SIRPD: variants seen among roughly 807,000 people sequenced by gnomAD.
The protein encoded by SIRPD is signal regulatory protein delta, also known as signal-regulatory protein delta.
SIRPD carries 21 observed loss-of-function variants against 18.0 expected under a neutral mutation model. The observed-to-expected ratio is 1.17, with a 90% CI of 0.83 to 1.68. SIRPD has a LOEUF of 1.68. Among genes scored for constraint, SIRPD ranks in the 40% most tolerant of loss-of-function variants. SIRPD has a pLI of 0.00. For missense variants in SIRPD, 295 were observed against 238.4 expected (o/e 1.24, Z -1.56); for synonymous variants, 106 against 92.9 (o/e 1.14, Z -0.81).
intron 1 of SIRPD, chr20:1,554,071 G>C (rs531534938): frequency 1.3e-5 from 2 of 152,734 alleles, no homozygotes; most frequent in South Asian, 4.2e-4. Context: ...GAATGGAATA[G>C]TCAGTTTGAT....
At chr20:1,555,757 T>A (rs1363553781) in intron 1 of SIRPD, among the ~76,000 whole-genome samples, 3 of 152,246 alleles carry the variant, frequency 2.0e-5, no homozygotes, top group Non-Finnish European at 4.4e-5. Flanking sequence ...TATCGCTGAA[T>A]AACAAATTAC....
chr20:1,553,694 T>C (rs2091028624), intron 1 of SIRPD, among the ~76,000 whole-genome samples: 1 of 152,172 alleles, frequency 6.6e-6, no homozygotes, highest in African/African-American at 2.4e-5. Context: ...AAATGTCTCC[T>C]ATGTCATTGG....
At chr20:1,557,302 G>A (rs992700541) in intron 1 of SIRPD, among the ~76,000 whole-genome samples, 18 of 151,122 alleles carry the variant, frequency 1.2e-4, no homozygotes, top group Non-Finnish European at 2.2e-4. Flanking sequence ...ACACCCTCCA[G>A]AGGCTGGAGG....
intron 3 of SIRPD, among the ~76,000 whole-genome samples, chr20:1,535,296 C>T (rs1600060030): frequency 6.6e-6 from 1 of 152,168 alleles, no homozygotes; most frequent in East Asian, 1.9e-4. Context: ...AGTGGAGTCC[C>T]ATTGACCCAG....
At chr20:1,552,407 C>T (rs1424215723) in intron 1 of SIRPD, among the ~76,000 whole-genome samples, 1 of 152,138 alleles carries the variant, frequency 6.6e-6, no homozygotes. Flanking sequence ...AAGTCCTGTC[C>T]TTCAACCCTA....
At chr20:1,552,704 C>A (rs1002247155) in intron 1 of SIRPD, among the ~76,000 whole-genome samples, 5 of 152,116 alleles carry the variant, frequency 3.3e-5, no homozygotes, top group African/African-American at 1.2e-4. Flanking sequence ...ATCATCACTA[C>A]CCTACAATGT....
Position 1,551,866 on chromosome 20 carries a change from G to T in SIRPD, c.246C>A (p.Asn82Lys). 1 of 1,614,098 alleles carries T rather than the reference G, an allele frequency of 6.2e-7. No individual in the cohort carries two copies. The highest frequency in any genetic ancestry group is 8.5e-7 in the Non-Finnish European group (1 of 1,179,992). ...CTCCAATCTCTTTTACTCTGGGAAA[G>T]TTACCTTGTTTGAAATTGTAGATTA... is the stretch of plus-strand genomic sequence containing the variant. The part of the protein sequence containing the change: ...RKLIYNFKQG[N>K]FPRVKEIGDT... Residue 82 changes from asparagine (N) to lysine (K), a missense_variant, in exon 2 of 4, where the codon AAC becomes AAA. Physicochemically the swap from Asn to Lys is moderately conservative, Grantham distance 94. Transcript: ENST00000381623.
chr20:1,548,940 T>A (rs1323830673), intron 2 of SIRPD, among the ~76,000 whole-genome samples: 1 of 152,132 alleles, frequency 6.6e-6, no homozygotes, highest in Non-Finnish European at 1.5e-5. Context: ...CTCTTTCTCC[T>A]CTCCTTCTGC....
intron 2 of SIRPD, among the ~76,000 whole-genome samples, chr20:1,549,669 T>C (rs1197237328): frequency 6.6e-6 from 1 of 152,096 alleles, no homozygotes; most frequent in Non-Finnish European, 1.5e-5. Flanking sequence ...GTTTTAGTAG[T>C]TTAAAAATTA....
At chr20:1,535,338 A>G (rs1403656363) in intron 3 of SIRPD, among the ~76,000 whole-genome samples, 2 of 152,158 alleles carry the variant, frequency 1.3e-5, no homozygotes, top group Non-Finnish European at 2.9e-5. Flanking sequence ...CTTGATTGCT[A>G]TAGTTTAAAT....
chr20:1,551,805 G>T lies in SIRPD; in HGVS notation c.307C>A (p.Arg103Ser), dbSNP rs774848088. The T allele has an allele frequency of 6.2e-7, 1 of 1,614,066 alleles. No individual in the cohort carries two copies. ...TCAGCAAGAGAGATTTCACGGATGC[G>T]GGTGGAAAAGTCTGTGTTGCCAGGC... is the stretch of plus-strand genomic sequence containing the variant. ...TKPGNTDFST[R>S]IREISLADAG... is the part of the protein sequence containing the mutation. The change falls in exon 2 of 4, where the codon CGC (arginine) becomes AGC (serine). Residue 103 changes from arginine (R) to serine (S), a missense_variant. Arg to Ser is a moderately radical substitution (Grantham distance 110, BLOSUM62 -1). Transcript: ENST00000381623.
intron 2 of SIRPD, among the ~76,000 whole-genome samples, chr20:1,544,142 T>G (rs939703098): frequency 2.0e-5 from 3 of 152,222 alleles, no homozygotes; most frequent in African/African-American, 7.2e-5. Context: ...GGTCCAGAGC[T>G]GAGTTCAAGT....
chr20:1,540,163 A>G (rs540651148), intron 2 of SIRPD: 8 of 365,876 alleles, frequency 2.2e-5, no homozygotes, highest in Non-Finnish European at 3.8e-5. Context: ...ACTGGCCTTG[A>G]AGATTTATTC....
At chr20:1,556,455 T>TA (rs371623101) in intron 1 of SIRPD, among the ~76,000 whole-genome samples, 83 of 152,336 alleles carry the variant, frequency 5.4e-4, no homozygotes, top group African/African-American at 1.9e-3. Flanking sequence ...TCTAAGTTAT[T>TA]AAAATTTCAT....
chr20:1,557,010 T>C (rs2091044308), intron 1 of SIRPD, among the ~76,000 whole-genome samples: 1 of 152,156 alleles, frequency 6.6e-6, no homozygotes, highest in South Asian at 2.1e-4. Flanking sequence ...GCGAGCACTT[T>C]GGGAGGCCGA....
rs749411324 is a variant in SIRPD at position 1,537,282 on chromosome 20, T to C, written c.450A>G (p.Arg150=). 9 of 1,614,032 alleles carry C rather than the reference T, an allele frequency of 5.6e-6. No individual in the cohort carries two copies. The highest frequency in any genetic ancestry group is 1.6e-4 in the Middle Eastern group (1 of 6,062). The part of the protein sequence containing the change: ...TEQNPRPPKN[R]PAGRAGSRAH... ...CCCTGGAGCCTGCTCTGCCTGCAGG[T>C]CTGTTCTTGGGAGGTCTTGGATTCT... The change falls in exon 3 of 4, where the codon AGA becomes AGG. Residue 150 remains arginine (R), a synonymous_variant. Coordinates refer to ENST00000381623, the MANE Select transcript of SIRPD (RefSeq NM_178460.3).
At chr20:1,556,660 G>A (rs1368991963) in intron 1 of SIRPD, among the ~76,000 whole-genome samples, 2 of 152,198 alleles carry the variant, frequency 1.3e-5, no homozygotes, top group Non-Finnish European at 2.9e-5. Flanking sequence ...CACAGAGACA[G>A]ACATACATGG....
intron 2 of SIRPD, chr20:1,540,162 G>C (rs2090964436): frequency 2.2e-5 from 8 of 364,384 alleles, no homozygotes; most frequent in South Asian, 1.4e-4. Flanking sequence ...CACTGGCCTT[G>C]AAGATTTATT....
At chr20:1,542,077 C>T (rs1354276729) in intron 2 of SIRPD, among the ~76,000 whole-genome samples, 1 of 152,146 alleles carries the variant, frequency 6.6e-6, no homozygotes, top group East Asian at 1.9e-4. Context: ...TAGCATGATG[C>T]CTCTAGCTTT....
Sources: gnomAD v4.1 joint callset for allele counts (sites outside exome capture counted in the v4.1 genomes callset) on GRCh38, gnomAD v4.1.1 for gene constraint, MANE v1.5 for transcripts, NCBI Gene and HGNC (gene_info 2026-07-23, HGNC 2026-07-21) for gene names.